AHI1: variants seen among roughly 807,000 people sequenced by gnomAD.
AHI1 encodes jouberin.
AHI1 carries 123 observed loss-of-function variants against 149.3 expected under a neutral mutation model. The ratio of observed to expected loss-of-function variants is 0.82; its 90% CI spans 0.71 to 0.96. The LOEUF (loss-of-function observed/expected upper bound fraction) is 0.96. Among genes scored for constraint, AHI1 ranks in the 40% least tolerant of loss-of-function variants. The probability of loss-of-function intolerance (pLI) is 0.00; values close to 1 mark genes in which losing one functional copy is unlikely to be tolerated. For missense variants in AHI1, 1,439 were observed against 1,422.7 expected (o/e 1.01, Z -0.18); for synonymous variants, 475 against 459.8 (o/e 1.03, Z -0.42).
rs1222788314 is a variant in AHI1, at chr6:135,323,336, A to G, written c.3166-12T>C. Reference sequence around the variant, plus strand: ...TAAAGAGCCACTACCTAAGAGAGAGATAAGACCACCACAGCTTTATCACAA... The same window carrying G: ...TAAAGAGCCACTACCTAAGAGAGAGGTAAGACCACCACAGCTTTATCACAA... On this transcript the variant is annotated splice_polypyrimidine_tract_variant and intron_variant, in intron 24 of 28. Transcript: ENST00000265602. The G allele has an allele frequency of 6.2e-7, 1 of 1,612,048 alleles. No homozygotes were observed. Among genetic ancestry groups the G allele is most frequent in the East Asian group, 2.2e-5 (1 of 44,850 alleles).
chr6:135,445,711 T>C (rs1787070754), intron 13 of AHI1, among the ~76,000 whole-genome samples: 1 of 152,182 alleles, frequency 6.6e-6, no homozygotes, highest in Non-Finnish European at 1.5e-5. Flanking sequence ...TAGCTGGGAC[T>C]ACAGGTGCAT....
At chr6:135,431,600 G>A (rs1240319481) in intron 16 of AHI1, among the ~76,000 whole-genome samples, 1 of 151,998 alleles carries the variant, frequency 6.6e-6, no homozygotes, top group Non-Finnish European at 1.5e-5. Flanking sequence ...CAGTACATGT[G>A]TATATGGCTT....
intron 23 of AHI1, among the ~76,000 whole-genome samples, chr6:135,375,590 C>A (rs1012112382): frequency 6.6e-6 from 1 of 152,018 alleles, no homozygotes; most frequent in Non-Finnish European, 1.5e-5. Flanking sequence ...AGTCAAAAGC[C>A]AAATGACAAA....
intron 5 of AHI1, among the ~76,000 whole-genome samples, chr6:135,468,371 A>G (rs1791139727): frequency 6.6e-6 from 1 of 152,144 alleles, no homozygotes; most frequent in South Asian, 2.1e-4. Context: ...CCAAGATCAG[A>G]GCAGAAATAA....
intron 28 of AHI1, among the ~76,000 whole-genome samples, chr6:135,286,779 A>G (rs1781737601): frequency 6.6e-6 from 1 of 152,256 alleles, no homozygotes; most frequent in African/African-American, 2.4e-5. Context: ...CTTGTATCAT[A>G]TATAGAAGCC....
chr6:135,447,084 T>C lies in AHI1; in HGVS notation c.1703A>G (p.Glu568Gly), dbSNP rs1210383567. 1.2e-6 allele frequency: 2 copies of C among 1,612,842 alleles called. No individual in the cohort carries two copies. The highest frequency in any genetic ancestry group is 1.1e-5 in the South Asian group (1 of 90,924). The change falls in exon 13 of 29, where the codon GAG (glutamate) becomes GGG (glycine). Residue 568 changes from glutamate to glycine, a missense_variant. Coordinates refer to ENST00000265602, the MANE Select transcript of AHI1 (RefSeq NM_001134831.2). ...GKPVHCERHH[E>G]SSSVDTEPGL... ...AGGTTCTGTGTCTACTGAGCTTGAC[T>C]CATGGTGACGTTCACAATGCACTGG...
intron 23 of AHI1, among the ~76,000 whole-genome samples, chr6:135,382,763 A>G (rs941088137): frequency 5.9e-5 from 9 of 151,676 alleles, no homozygotes; most frequent in African/African-American, 2.2e-4. Flanking sequence ...CTGAGACATA[A>G]GGATTTACAA....
intron 24 of AHI1, among the ~76,000 whole-genome samples, chr6:135,354,803 G>A (rs1405308065): frequency 2.0e-5 from 3 of 152,106 alleles, no homozygotes; most frequent in Non-Finnish European, 4.4e-5. Context: ...ATAGTACAGT[G>A]TCTGAATGAA....
chr6:135,427,126 G>A (rs1409168157), intron 20 of AHI1, 41 bp downstream of exon 20: 3 of 1,575,504 alleles, frequency 1.9e-6, no homozygotes, highest in African/African-American at 1.4e-5. Flanking sequence ...AAATGTAAAG[G>A]TTACTCTAAA....
chr6:135,459,446 A>G (rs767443593), intron 8 of AHI1, among the ~76,000 whole-genome samples: 1 of 152,174 alleles, frequency 6.6e-6, no homozygotes, highest in Non-Finnish European at 1.5e-5. Flanking sequence ...AAAGCTAGAA[A>G]TAAGTAGCAA....
chr6:135,447,220 CAT>C (rs2128056777), intron 12 of AHI1, 60 bp from the exon 13 acceptor site: 1 of 1,189,212 alleles, frequency 8.4e-7, no homozygotes, highest in African/African-American at 1.6e-5. Flanking sequence ...CTTTTTCTAG[CAT>C]ATAGTTTTTA....
rs138263379 is a variant in AHI1 at position 135,487,874 on chromosome 6, T to G, written c.135+2749A>C. Among the ~76,000 whole-genome samples the G allele has an allele frequency of 9.9e-4, 150 of 152,244 alleles. 2 individuals carry two copies. The East Asian group carries it at 0.025, about 25-fold the overall frequency. On this transcript the variant is annotated intron_variant, in intron 5 of 28. Coordinates refer to ENST00000265602, the MANE Select transcript of AHI1 (RefSeq NM_001134831.2). ...CTTAACTTTGATTCATATCTAGAAA[T>G]GGTACTACATCTTTAATAAATCTTA...
At position 135,285,534 on chromosome 6, in the gene AHI1, C is replaced by T; in HGVS notation, c.*111G>A. The T allele has an allele frequency of 1.8e-6, 2 of 1,123,636 alleles. No individual in the cohort carries two copies. The highest frequency in any genetic ancestry group is 2.6e-6 in the Non-Finnish European group (2 of 760,076). The allele number at this position is 1,123,636 out of a possible 1,614,324, so 69.6% of individuals were successfully genotyped here. A position where few individuals can be genotyped will look rare whatever the true frequency, so the allele number is the denominator to read the frequency against. ...TTCATAAGAACAAGAAGTAGTGGAT[C>T]CTTTCTTCCTCCTTAGTATCTGAAA... On this transcript the variant is annotated 3_prime_UTR_variant, in exon 29 of 29. Coordinates refer to ENST00000265602, the MANE Select transcript of AHI1 (RefSeq NM_001134831.2).
At chr6:135,322,334 G>C (rs147964521) in intron 25 of AHI1, among the ~76,000 whole-genome samples, 1 of 152,160 alleles carries the variant, frequency 6.6e-6, no homozygotes, top group Non-Finnish European at 1.5e-5. Flanking sequence ...AAGCACTACT[G>C]TACTTCTCCC....
chr6:135,337,606 A>G (rs947566165), intron 24 of AHI1, among the ~76,000 whole-genome samples: 1 of 151,852 alleles, frequency 6.6e-6, no homozygotes, highest in Non-Finnish European at 1.5e-5. Flanking sequence ...CAAAAAAATT[A>G]AAAAAATCAG....
intron 27 of AHI1, among the ~76,000 whole-genome samples, chr6:135,296,085 C>T (rs771912258): frequency 1.3e-5 from 2 of 152,166 alleles, no homozygotes; most frequent in African/African-American, 4.8e-5. Flanking sequence ...GAACTCCTGA[C>T]CTCAGATGAT....
At chr6:135,366,244 C>CT (rs139573902) in intron 23 of AHI1, among the ~76,000 whole-genome samples, 8,132 of 147,110 alleles carry the variant, frequency 0.055, 693 homozygotes, top group African/African-American at 0.18. Flanking sequence ...CTGCAGTTTT[C>CT]TTTTTTTTTT....
rs1434730983 is a variant in AHI1, at chr6:135,284,412, T to C, written c.*1233A>G. 1 of 152,194 alleles carries C rather than the reference T, an allele frequency of 6.6e-6. No individual in the cohort carries two copies. The highest frequency in any genetic ancestry group is 1.5e-5 in the Non-Finnish European group (1 of 68,036). The allele number at this position is 152,194 out of a possible 1,614,324, so 9.4% of individuals were successfully genotyped here. On this transcript the variant is annotated 3_prime_UTR_variant, in exon 29 of 29. Coordinates refer to ENST00000265602, the MANE Select transcript of AHI1 (RefSeq NM_001134831.2). ...ATTGACTGTCTAATTTGGATAGGTC[T>C]TTCTAATTTTATATTAGTTTTCACT...
At chr6:135,300,666 T>C in intron 26 of AHI1, 108 bp from the exon 27 acceptor site, 15 of 1,523,208 alleles carry the variant, frequency 9.8e-6, no homozygotes, top group Non-Finnish European at 1.2e-5. Context: ...GGAGAGAATA[T>C]GCCTGTTCTG....
Sources: gnomAD v4.1 joint callset for allele counts (sites outside exome capture counted in the v4.1 genomes callset) on GRCh38, gnomAD v4.1.1 for gene constraint, MANE v1.5 for transcripts, NCBI Gene and HGNC (gene_info 2026-07-23, HGNC 2026-07-21) for gene names.